The following ZNRF2 variants were observed in gnomAD, a reference collection of about 807,000 sequenced individuals.
ZNRF2 encodes E3 ubiquitin-protein ligase ZNRF2.
ZNRF2 carries 16 observed loss-of-function variants against 20.4 expected under a neutral mutation model. That is an observed-to-expected ratio of 0.79 (90% CI 0.53 to 1.19). The LOEUF (loss-of-function observed/expected upper bound fraction) is 1.19, where lower values mean the gene tolerates loss of function less well. Among genes scored for constraint, ZNRF2 ranks in the 50% most tolerant of loss-of-function variants. ZNRF2 has a pLI of 0.00. For synonymous variants in ZNRF2, 178 were observed against 144.9 expected (o/e 1.23, Z -1.64); for missense variants, 363 against 332.4 (o/e 1.09, Z -0.72).
intron 1 of ZNRF2, among the ~76,000 whole-genome samples, chr7:30,288,604 T>C (rs1363439196): frequency 2.0e-5 from 3 of 152,254 alleles, no homozygotes; most frequent in Non-Finnish European, 4.4e-5. Flanking sequence ...ATATACACTC[T>C]TATTCTCTCT....
intron 2 of ZNRF2, among the ~76,000 whole-genome samples, chr7:30,335,560 T>C (rs570500101): frequency 4.6e-5 from 7 of 152,222 alleles, no homozygotes; most frequent in African/African-American, 1.7e-4. Flanking sequence ...TATATACATA[T>C]ATATATACGT....
At chr7:30,331,077 A>C (rs117296811) in intron 2 of ZNRF2, among the ~76,000 whole-genome samples, 1 of 152,212 alleles carries the variant, frequency 6.6e-6, no homozygotes, top group Non-Finnish European at 1.5e-5. Context: ...GGAAATGTCA[A>C]ATCTCTTCTA....
intron 1 of ZNRF2, among the ~76,000 whole-genome samples, chr7:30,290,167 CTG>C (rs1421881904): frequency 1.3e-5 from 2 of 152,106 alleles, no homozygotes; most frequent in African/African-American, 2.4e-5. Flanking sequence ...AAATGTTAGT[CTG>C]TGTTTTAATT....
intron 1 of ZNRF2, among the ~76,000 whole-genome samples, chr7:30,308,268 C>A (rs1182565326): frequency 6.6e-6 from 1 of 152,098 alleles, no homozygotes; most frequent in Non-Finnish European, 1.5e-5. Context: ...TAAAGTTTAT[C>A]ATTTTTCATT....
intron 1 of ZNRF2, among the ~76,000 whole-genome samples, chr7:30,319,399 T>C (rs901699263): frequency 6.6e-6 from 1 of 152,180 alleles, no homozygotes; most frequent in African/African-American, 2.4e-5. Context: ...TTCTAATGTG[T>C]AAGTAGTAGT....
intron 2 of ZNRF2, among the ~76,000 whole-genome samples, chr7:30,326,206 GGTTT>G (rs1799549748): frequency 6.6e-6 from 1 of 151,966 alleles, no homozygotes; most frequent in Admixed American, 6.6e-5. Context: ...GTGTCATGGG[GGTTT>G]GTTCTACAGA....
chr7:30,307,626 T>A (rs1189129774), intron 1 of ZNRF2, among the ~76,000 whole-genome samples: 1 of 152,082 alleles, frequency 6.6e-6, no homozygotes, highest in Non-Finnish European at 1.5e-5. Flanking sequence ...TGTTTCACAT[T>A]TCAAGATATT....
chr7:30,291,148 T>C (rs949683154), intron 1 of ZNRF2, among the ~76,000 whole-genome samples: 4 of 152,176 alleles, frequency 2.6e-5, no homozygotes, highest in South Asian at 2.1e-4. Context: ...TCCACAAAAG[T>C]GTGGGTTTTG....
At chr7:30,327,970 GT>G (rs1799580195) in intron 2 of ZNRF2, among the ~76,000 whole-genome samples, 4 of 152,278 alleles carry the variant, frequency 2.6e-5, no homozygotes, top group Middle Eastern at 6.8e-3. Context: ...ACCGTGTATA[GT>G]TTTTGAGGTT....
At chr7:30,318,069 G>T (rs562787039) in intron 1 of ZNRF2, among the ~76,000 whole-genome samples, 14 of 152,158 alleles carry the variant, frequency 9.2e-5, no homozygotes, top group Non-Finnish European at 1.9e-4. Context: ...AGATGGAGTG[G>T]AGCTTTGTTT....
At chr7:30,301,542 G>T (rs567480886) in intron 1 of ZNRF2, among the ~76,000 whole-genome samples, 1 of 151,870 alleles carries the variant, frequency 6.6e-6, no homozygotes, top group Non-Finnish European at 1.5e-5. Flanking sequence ...GCAATCTGGG[G>T]CATGGTTCGC....
At chr7:30,364,768 A>C (rs999144181) in intron 4 of ZNRF2, among the ~76,000 whole-genome samples, 1 of 152,198 alleles carries the variant, frequency 6.6e-6, no homozygotes, top group African/African-American at 2.4e-5. Context: ...CTATAGATAA[A>C]ATTTGTCTTT....
At chr7:30,328,133 A>G (rs1237960853) in intron 2 of ZNRF2, among the ~76,000 whole-genome samples, 1 of 152,094 alleles carries the variant, frequency 6.6e-6, no homozygotes, top group African/African-American at 2.4e-5. Flanking sequence ...ACCTGGTTTT[A>G]AAGTCAGACC....
At chr7:30,342,675 C>A (rs1297851944) in intron 2 of ZNRF2, among the ~76,000 whole-genome samples, 1 of 151,936 alleles carries the variant, frequency 6.6e-6, no homozygotes, top group Non-Finnish European at 1.5e-5. Context: ...CTTAGGTATG[C>A]GTTTTCTGAG....
chr7:30,347,030 G>A lies in ZNRF2; in HGVS notation c.566-8698G>A, dbSNP rs1799889790. 2.0e-5 allele frequency among the ~76,000 whole-genome samples: 3 copies of A among 152,154 alleles called. No individual in the cohort carries two copies. In the South Asian group the frequency reaches 6.2e-4, roughly 32 times the overall value. The stretch of plus-strand genomic sequence containing the variant: ...CATTCTAGGAATTTTTACTGGTAAA[G>A]TTGTCATCATTGTTGCCTCCTTCCT... On this transcript the variant is annotated intron_variant, in intron 2 of 4. Transcript: ENST00000323037.
chr7:30,366,961 A>G lies in ZNRF2; in HGVS notation c.*949A>G, dbSNP rs1259028336. The G allele has an allele frequency of 1.3e-5, 2 of 152,550 alleles. No homozygotes were observed. The highest frequency in any genetic ancestry group is 2.9e-5 in the Non-Finnish European group (2 of 67,974). The allele number at this position is 152,550 out of a possible 1,614,324, so 9.4% of individuals were successfully genotyped here. ...TTGCATCTCCAGGCAGTTCTCTCAC[A>G]TTTGGGTAAAATGTTTAGCAGGCTG... is the stretch of plus-strand genomic sequence containing the variant. On this transcript the variant is annotated 3_prime_UTR_variant, in exon 5 of 5. Coordinates refer to ENST00000323037, the MANE Select transcript of ZNRF2 (RefSeq NM_147128.4).
intron 1 of ZNRF2, among the ~76,000 whole-genome samples, chr7:30,293,019 A>G (rs940268533): frequency 6.6e-6 from 1 of 152,176 alleles, no homozygotes; most frequent in Non-Finnish European, 1.5e-5. Flanking sequence ...CAGATGAAAG[A>G]TAACAGTGGC....
At chr7:30,293,250 T>G (rs949023164) in intron 1 of ZNRF2, among the ~76,000 whole-genome samples, 19 of 135,732 alleles carry the variant, frequency 1.4e-4, no homozygotes, top group African/African-American at 5.6e-4. Context: ...ATTTTTACAT[T>G]TTTTTTTTTT....
chr7:30,322,610 C>G (rs759953268), intron 1 of ZNRF2, among the ~76,000 whole-genome samples: 3 of 151,936 alleles, frequency 2.0e-5, no homozygotes, highest in Non-Finnish European at 4.4e-5. Context: ...GACCTTTCTG[C>G]TTAAGCTCTT....
Sources: gnomAD v4.1 joint callset for allele counts (sites outside exome capture counted in the v4.1 genomes callset) on GRCh38, gnomAD v4.1.1 for gene constraint, MANE v1.5 for transcripts, NCBI Gene and HGNC (gene_info 2026-07-23, HGNC 2026-07-21) for gene names.